Variants in PODXL observed in about 807,000 individuals in gnomAD.
The protein encoded by PODXL is podocalyxin like.
A neutral mutation model predicts 48.9 loss-of-function variants in PODXL; 20 were observed. The observed-to-expected ratio is 0.41, with a 90% CI of 0.29 to 0.59. The LOEUF (loss-of-function observed/expected upper bound fraction) is 0.59, where lower values mean the gene tolerates loss of function less well. Ranked by LOEUF, PODXL falls within the 20% of genes least tolerant of loss-of-function variation. The pLI is 0.31. For synonymous variants in PODXL, 295 were observed against 287.4 expected, an observed-to-expected ratio of 1.03 and a Z score of -0.27; for missense variants, 606 against 675.1, an observed-to-expected ratio of 0.90 and a Z score of 1.13.
At position 131,535,330 on chromosome 7, in the gene PODXL, C is replaced by A. The variant is rs141128718; in HGVS notation, c.100+20930G>T. ...ACTGCACCCCTAAAAATGGTTATTA[C>A]AGTAAGCTGTACGGTAAGTCAATTG... is the stretch of plus-strand genomic sequence containing the variant. On this transcript the variant is annotated intron_variant, in intron 1 of 8. Coordinates refer to ENST00000378555, the MANE Select transcript of PODXL (RefSeq NM_001018111.3). Among the ~76,000 whole-genome samples the A allele has an allele frequency of 2.3e-3, 347 of 152,248 alleles. 1 individual carries two copies. Among genetic ancestry groups the A allele is most frequent in the African/African-American group, 7.8e-3 (325 of 41,544 alleles).
intron 1 of PODXL, among the ~76,000 whole-genome samples, chr7:131,534,518 G>T (rs890841347): frequency 2.0e-5 from 3 of 152,202 alleles, no homozygotes; most frequent in Non-Finnish European, 4.4e-5. Context: ...GGCCACAGGG[G>T]TGGCCGGCGG....
Position 131,506,601 on chromosome 7 carries a change from G to A in PODXL, c.1227C>T (p.Val409=), listed in dbSNP as rs771728424. ...LASVPGSQTV[V]VKEITIHTKL... is the part of the protein sequence containing the mutation. ...CACTGTGAATAGTGATTTCTTTGAC[G>A]ACCACGGTCTGACTTCCTGGAACAG... Residue 409 remains valine, a synonymous_variant, in exon 6 of 9, where the codon GTC becomes GTT. Transcript: ENST00000378555. 10 of 1,614,074 alleles carry A rather than the reference G, an allele frequency of 6.2e-6. No homozygotes were observed. In the Admixed American group the frequency reaches 6.7e-5, roughly 11 times the overall value.
Position 131,503,952 on chromosome 7 carries a change from C to T in PODXL, c.*359G>A, listed in dbSNP as rs975845840. Reference sequence around the variant, plus strand: ...TTTGTTCTCATCCTGGCTCTGTCACCAAGTGGCTCTGACCTTGGGCAAGTC... The same window carrying T: ...TTTGTTCTCATCCTGGCTCTGTCACTAAGTGGCTCTGACCTTGGGCAAGTC... On this transcript the variant is annotated 3_prime_UTR_variant, in exon 9 of 9. Transcript: ENST00000378555. The T allele has an allele frequency of 3.2e-6, 1 of 308,744 alleles. No homozygotes were observed. Among genetic ancestry groups the T allele is most frequent in the Admixed American group, 4.8e-5 (1 of 20,744 alleles). The allele number at this position is 308,744 out of a possible 1,614,324, so 19.1% of individuals were successfully genotyped here.
Position 131,500,713 on chromosome 7 carries a change from G to A in PODXL, c.*3598C>T, listed in dbSNP as rs1376922491. The A allele has an allele frequency of 6.6e-6, 1 of 152,212 alleles. No homozygotes were observed. Among genetic ancestry groups the A allele is most frequent in the Non-Finnish European group, 1.5e-5 (1 of 68,036 alleles). 9.4% of individuals were successfully genotyped at this position (152,212 alleles called of 1,614,324 possible). A position where few individuals can be genotyped will look rare whatever the true frequency, so the allele number is the denominator to read the frequency against. ...TTACATCTTAAACCTAAATGATTCA[G>A]AGAAAGTGTAGAAGACCAGTTCTTA... On this transcript the variant is annotated 3_prime_UTR_variant, in exon 9 of 9. Coordinates refer to ENST00000378555, the MANE Select transcript of PODXL (RefSeq NM_001018111.3).
intron 1 of PODXL, among the ~76,000 whole-genome samples, chr7:131,535,826 A>G (rs1389051096): frequency 6.6e-6 from 1 of 152,152 alleles, no homozygotes; most frequent in African/African-American, 2.4e-5. Context: ...CAGTGGCACA[A>G]TCACAGCTCA....
chr7:131,535,298 C>A (rs556745425), intron 1 of PODXL, among the ~76,000 whole-genome samples: 1 of 151,988 alleles, frequency 6.6e-6, no homozygotes, highest in Non-Finnish European at 1.5e-5. Flanking sequence ...GTACTTAATG[C>A]CACTGAACTG....
intron 7 of PODXL, 69 bp from the exon 8 acceptor site, chr7:131,506,104 A>G: frequency 6.4e-7 from 1 of 1,568,734 alleles, no homozygotes; most frequent in Non-Finnish European, 8.7e-7. Flanking sequence ...TTCACTGTAG[A>G]GCCCCTCCGC....
At chr7:131,523,511 T>A (rs182151954) in intron 1 of PODXL, among the ~76,000 whole-genome samples, 16 of 151,426 alleles carry the variant, frequency 1.1e-4, no homozygotes, top group Admixed American at 3.9e-4. Context: ...TGAAACCCTG[T>A]CTCTACTAAA....
intron 1 of PODXL, among the ~76,000 whole-genome samples, chr7:131,542,552 G>C (rs778569871): frequency 2.6e-5 from 4 of 152,166 alleles, no homozygotes; most frequent in Admixed American, 6.5e-5. Flanking sequence ...AGCTACACAG[G>C]AAGCTGAGGC....
intron 1 of PODXL, among the ~76,000 whole-genome samples, chr7:131,529,693 G>A (rs1175605221): frequency 2.6e-5 from 4 of 151,986 alleles, no homozygotes; most frequent in African/African-American, 7.2e-5. Context: ...AGGGAAGAGC[G>A]CAGGCTGGGA....
chr7:131,505,481 T>C (rs1370305295), intron 8 of PODXL, among the ~76,000 whole-genome samples: 3 of 151,962 alleles, frequency 2.0e-5, no homozygotes, highest in Non-Finnish European at 4.4e-5. Flanking sequence ...ACCCCATCTC[T>C]AGTAAAAATA....
chr7:131,556,224 G>A (rs1031713044), intron 1 of PODXL, 36 bp downstream of exon 1: 1 of 1,443,574 alleles, frequency 6.9e-7, no homozygotes. Flanking sequence ...CATGGGCACG[G>A]TGGGAGTCCC....
At chr7:131,550,240 C>T (rs1319217002) in intron 1 of PODXL, among the ~76,000 whole-genome samples, 2 of 152,240 alleles carry the variant, frequency 1.3e-5, no homozygotes, top group Non-Finnish European at 2.9e-5. Context: ...ATTCCAGGCA[C>T]CCTTAGGAGT....
chr7:131,505,737 G>A (rs1797786344), intron 8 of PODXL, 131 bp downstream of exon 8: 7 of 796,068 alleles, frequency 8.8e-6, no homozygotes, highest in African/African-American at 1.7e-5. Flanking sequence ...GCCTATCAGG[G>A]GTGGCCTCTG....
At chr7:131,544,312 G>A (rs1798528553) in intron 1 of PODXL, among the ~76,000 whole-genome samples, 1 of 152,212 alleles carries the variant, frequency 6.6e-6, no homozygotes, top group Non-Finnish European at 1.5e-5. Flanking sequence ...GAGTGCCTGT[G>A]GCATTCAGAG....
At chr7:131,519,075 C>A (rs1019301734) in intron 1 of PODXL, among the ~76,000 whole-genome samples, 1 of 152,210 alleles carries the variant, frequency 6.6e-6, no homozygotes, top group African/African-American at 2.4e-5. Flanking sequence ...GCTGATGAAT[C>A]TGTTCAGAGC....
At chr7:131,527,842 T>C (rs971984050) in intron 1 of PODXL, among the ~76,000 whole-genome samples, 1 of 151,806 alleles carries the variant, frequency 6.6e-6, no homozygotes. Context: ...GCAGAGGAGA[T>C]AGACCTGTGC....
chr7:131,544,314 C>T (rs1023321633), intron 1 of PODXL, among the ~76,000 whole-genome samples: 1 of 152,232 alleles, frequency 6.6e-6, no homozygotes, highest in South Asian at 2.1e-4. Flanking sequence ...GTGCCTGTGG[C>T]ATTCAGAGAT....
intron 1 of PODXL, among the ~76,000 whole-genome samples, chr7:131,552,315 A>G (rs1335465848): frequency 1.3e-5 from 2 of 152,208 alleles, no homozygotes; most frequent in African/African-American, 2.4e-5. Flanking sequence ...GGTTCTCCCT[A>G]GGAAACCAGG....
Sources: allele counts gnomAD v4.1 joint callset (sites outside exome capture counted in the v4.1 genomes callset), GRCh38; gene constraint gnomAD v4.1.1; transcripts MANE v1.5; gene names NCBI Gene and HGNC (gene_info 2026-07-23, HGNC 2026-07-21).